Variants in EMP2 observed in about 807,000 individuals in gnomAD.
The protein encoded by EMP2 is epithelial membrane protein 2.
Under a neutral mutation model 13.7 loss-of-function variants are expected in EMP2, and 19 were observed. That is an observed-to-expected ratio of 1.38 (90% CI 0.97 to 2.03). EMP2 has a LOEUF of 2.03. Ranked by LOEUF, EMP2 falls within the 30% of genes most tolerant of loss-of-function variation. The pLI, the probability that EMP2 is intolerant of heterozygous loss-of-function variation, is 0.00. For synonymous variants in EMP2, 97 were observed against 84.7 expected (o/e 1.15, Z -0.80); for missense variants, 253 against 220.7 (o/e 1.15, Z -0.93).
At chr16:10,572,315 G>C (rs1333977845) in intron 1 of EMP2, among the ~76,000 whole-genome samples, 1 of 151,612 alleles carries the variant, frequency 6.6e-6, no homozygotes, top group Non-Finnish European at 1.5e-5. Flanking sequence ...AAATTAGCTG[G>C]GTGCACCTGT....
At chr16:10,538,196 C>A in intron 3 of EMP2, 122 bp from the exon 4 acceptor site, 2 of 1,216,096 alleles carry the variant, frequency 1.6e-6, no homozygotes, top group African/African-American at 3.0e-5. Context: ...GGGGTTCAGG[C>A]GGTCGTCTAC....
At chr16:10,575,089 A>C (rs8048149) in intron 1 of EMP2, among the ~76,000 whole-genome samples, 8,270 of 151,914 alleles carry the variant, frequency 0.054, 762 homozygotes, top group African/African-American at 0.19. Context: ...TGTTGCCTGA[A>C]CTTTCTGAAA....
At chr16:10,533,693 G>C (rs752439638) in intron 4 of EMP2, among the ~76,000 whole-genome samples, 3 of 152,168 alleles carry the variant, frequency 2.0e-5, no homozygotes, top group African/African-American at 4.8e-5. Flanking sequence ...CATGTGGCAG[G>C]CCAGATTTGA....
intron 1 of EMP2, among the ~76,000 whole-genome samples, chr16:10,565,205 T>C (rs2050899034): frequency 6.6e-6 from 1 of 152,222 alleles, no homozygotes; most frequent in African/African-American, 2.4e-5. Context: ...TACTTAATGC[T>C]ATGTGTCTGG....
chr16:10,536,021 AC>A (rs1427258105), intron 4 of EMP2, among the ~76,000 whole-genome samples: 1 of 152,056 alleles, frequency 6.6e-6, no homozygotes, highest in Non-Finnish European at 1.5e-5. Flanking sequence ...CCCCGGAAGG[AC>A]TGTGGTGGAC....
Position 10,532,758 on chromosome 16 carries a change from CTT to C in EMP2, c.*145_*146del, listed in dbSNP as rs878927571. On this transcript the variant is annotated 3_prime_UTR_variant, in exon 5 of 5. Coordinates refer to ENST00000359543, the MANE Select transcript of EMP2 (RefSeq NM_001424.6). Reference sequence around the variant, plus strand: ...CTTTTGGATTTTTTTTTTCTTTTTTCTTTTTTTTTTTTTTTTTTTTTTTTTTT... The same window carrying C: ...CTTTTGGATTTTTTTTTTCTTTTTTCTTTTTTTTTTTTTTTTTTTTTTTTT... 325 of 184,774 alleles carry C rather than the reference CTT, an allele frequency of 1.8e-3. 31 individuals carry two copies. The highest frequency in any genetic ancestry group is 0.011 in the African/African-American group (262 of 23,760). 11.4% of individuals were successfully genotyped at this position (184,774 alleles called of 1,614,324 possible). A position where few individuals can be genotyped will look rare whatever the true frequency, so the allele number is the denominator to read the frequency against.
At chr16:10,552,428 G>A (rs1198014369) in intron 1 of EMP2, among the ~76,000 whole-genome samples, 20 of 152,138 alleles carry the variant, frequency 1.3e-4, no homozygotes, top group Admixed American at 1.3e-3. Flanking sequence ...CATTGATAGG[G>A]CATTAAGCAA....
rs934113336 is a variant in EMP2, at chr16:10,530,493, C to T, written c.*2412G>A. The T allele has an allele frequency of 5.9e-5, 9 of 152,604 alleles. No homozygotes were observed. Among genetic ancestry groups the T allele is most frequent in the African/African-American group, 2.2e-4 (9 of 41,416 alleles). The allele number at this position is 152,604 out of a possible 1,614,324, so 9.5% of individuals were successfully genotyped here. A position where few individuals can be genotyped will look rare whatever the true frequency, so the allele number is the denominator to read the frequency against. ...AGTATTTAAATAGCACGAGGTCCCACACCCCATCCCAGGACAGCCCCCAGC... is the reference window on the plus strand; with the variant it reads ...AGTATTTAAATAGCACGAGGTCCCATACCCCATCCCAGGACAGCCCCCAGC... On this transcript the variant is annotated 3_prime_UTR_variant, in exon 5 of 5. Coordinates refer to ENST00000359543, the MANE Select transcript of EMP2 (RefSeq NM_001424.6).
chr16:10,535,470 C>T (rs1203044087), intron 4 of EMP2, among the ~76,000 whole-genome samples: 2 of 152,126 alleles, frequency 1.3e-5, no homozygotes, highest in East Asian at 3.8e-4. Context: ...TGCGGTGGCT[C>T]ATGCTCGGAA....
intron 1 of EMP2, among the ~76,000 whole-genome samples, chr16:10,571,164 G>A (rs1000007386): frequency 1.1e-4 from 16 of 149,912 alleles, no homozygotes; most frequent in Admixed American, 8.1e-4. Flanking sequence ...GGCTTAGGCA[G>A]GAGAATCGCT....
At chr16:10,543,227 C>T (rs2050714101) in intron 3 of EMP2, among the ~76,000 whole-genome samples, 4 of 152,138 alleles carry the variant, frequency 2.6e-5, no homozygotes, top group Non-Finnish European at 5.9e-5. Flanking sequence ...AGAGGCAAGG[C>T]TTGGATAAAA....
intron 1 of EMP2, among the ~76,000 whole-genome samples, chr16:10,552,070 T>C (rs2050792487): frequency 6.6e-6 from 1 of 151,876 alleles, no homozygotes; most frequent in Non-Finnish European, 1.5e-5. Context: ...TAGGCCTGCG[T>C]CATTCTTAGC....
At chr16:10,552,993 G>A (rs901740125) in intron 1 of EMP2, among the ~76,000 whole-genome samples, 1 of 152,174 alleles carries the variant, frequency 6.6e-6, no homozygotes, top group African/African-American at 2.4e-5. Flanking sequence ...AAACAACAGA[G>A]AAGTAAAGGT....
chr16:10,556,544 G>C (rs144360440), intron 1 of EMP2, among the ~76,000 whole-genome samples: 97 of 152,344 alleles, frequency 6.4e-4, no homozygotes, highest in Middle Eastern at 3.4e-3. Flanking sequence ...GGGCAGGACA[G>C]AGGGGTTCAA....
intron 3 of EMP2, among the ~76,000 whole-genome samples, chr16:10,539,696 T>C (rs1049948122): frequency 6.6e-6 from 1 of 152,000 alleles, no homozygotes; most frequent in Middle Eastern, 3.2e-3. Flanking sequence ...CGTTTCCTTG[T>C]TTGTAAATTA....
chr16:10,568,869 C>A (rs2050928015), intron 1 of EMP2, among the ~76,000 whole-genome samples: 1 of 146,450 alleles, frequency 6.8e-6, no homozygotes, highest in Non-Finnish European at 1.5e-5. Context: ...TCACTGCAAC[C>A]TCTGCCTCCC....
chr16:10,532,924 A>T lies in EMP2; in HGVS notation c.485T>A (p.Ile162Lys). The T allele has an allele frequency of 6.3e-7, 1 of 1,593,216 alleles. No homozygotes were observed. Among genetic ancestry groups the T allele is most frequent in the Non-Finnish European group, 8.6e-7 (1 of 1,168,836 alleles). Residue 162 changes from isoleucine to lysine, a missense_variant, in exon 5 of 5, where the codon ATA (isoleucine) becomes AAA (lysine). Physicochemically the swap from Ile to Lys is moderately radical, Grantham distance 102. Coordinates refer to ENST00000359543, the MANE Select transcript of EMP2 (RefSeq NM_001424.6). ...CTFISGMMYL[I>K]LRKRK ...GGAACTCTATTTGCGCTTCCTCAGT[A>T]TCAGGTACATCATGCCGCTGATGAA...
At chr16:10,565,847 A>G (rs1411178184) in intron 1 of EMP2, among the ~76,000 whole-genome samples, 2 of 152,228 alleles carry the variant, frequency 1.3e-5, no homozygotes, top group African/African-American at 2.4e-5. Context: ...TGAGGTGGCC[A>G]TGCTGGAAAG....
At chr16:10,550,852 G>A (rs2142187166) in intron 1 of EMP2, among the ~76,000 whole-genome samples, 1 of 152,092 alleles carries the variant, frequency 6.6e-6, no homozygotes, top group South Asian at 2.1e-4. Flanking sequence ...GTGGGCACCT[G>A]TAATTCCAGG....
Sources: gnomAD v4.1 joint callset for allele counts (sites outside exome capture counted in the v4.1 genomes callset) on GRCh38, gnomAD v4.1.1 for gene constraint, MANE v1.5 for transcripts, NCBI Gene and HGNC (gene_info 2026-07-23, HGNC 2026-07-21) for gene names.